The following ZNF236 variants were observed in gnomAD, a reference collection of about 807,000 sequenced individuals.
The protein encoded by ZNF236 is regulated by glucose.
Under a neutral mutation model 191.2 loss-of-function variants are expected in ZNF236, and 50 were observed. The ratio of observed to expected loss-of-function variants is 0.26; its 90% CI spans 0.21 to 0.33. ZNF236 has a LOEUF of 0.33. ZNF236 is among the 10% of genes least tolerant of loss of function. The probability of loss-of-function intolerance (pLI) is 1.00; values close to 1 mark genes in which losing one functional copy is unlikely to be tolerated. For synonymous variants in ZNF236, 907 were observed against 928.8 expected, an observed-to-expected ratio of 0.98 and a Z score of 0.43; for missense variants, 1,754 against 2,374.5, an observed-to-expected ratio of 0.74 and a Z score of 5.43.
At chr18:76,895,839 CAG>C (rs1977389247) in intron 10 of ZNF236, among the ~76,000 whole-genome samples, 1 of 151,670 alleles carries the variant, frequency 6.6e-6, no homozygotes, top group African/African-American at 2.4e-5. Context: ...ATACTGCCCT[CAG>C]GGACTGCACA....
At chr18:76,874,230 G>A in intron 5 of ZNF236, among the ~76,000 whole-genome samples, 1 of 152,282 alleles carries the variant, frequency 6.6e-6, no homozygotes, top group East Asian at 1.9e-4. Flanking sequence ...TACCATTTGT[G>A]TACTGTCCCC....
intron 1 of ZNF236, among the ~76,000 whole-genome samples, chr18:76,827,814 A>G (rs1349495989): frequency 6.6e-6 from 1 of 152,150 alleles, no homozygotes; most frequent in Non-Finnish European, 1.5e-5. Context: ...AGGATGAGTG[A>G]GATATGCTTT....
At position 76,908,551 on chromosome 18, in the gene ZNF236, T is replaced by G; in HGVS notation, c.2529T>G (p.Asp843Glu). ...EEAGLGQQLADQPLEADEDGF... is the reference protein window; with the variant it reads ...EEAGLGQQLAEQPLEADEDGF... ...CAGGGCTGGGCCAGCAGTTGGCAGATCAGCCCCTGGAAGCAGATGAAGGTA... is the reference window on the plus strand; with the variant it reads ...CAGGGCTGGGCCAGCAGTTGGCAGAGCAGCCCCTGGAAGCAGATGAAGGTA... The change falls in exon 14 of 31, where the codon GAT (aspartate) becomes GAG (glutamate). Residue 843 changes from aspartate to glutamate, a missense_variant. By Grantham distance (45) the Asp-to-Glu change is conservative (BLOSUM62 2). This residue lies in a region of ZNF236 where 641 missense variants were observed against 869.6 expected (regional missense o/e 0.74). Coordinates refer to ENST00000320610, the MANE Select transcript of ZNF236 (RefSeq NM_001306089.2). The G allele has an allele frequency of 6.2e-7, 1 of 1,610,376 alleles. No homozygotes were observed.
intron 17 of ZNF236, among the ~76,000 whole-genome samples, chr18:76,912,939 C>T (rs995743193): frequency 2.6e-5 from 4 of 152,248 alleles, no homozygotes; most frequent in Admixed American, 2.6e-4. Context: ...AGGCGTGAGC[C>T]ACCGCCAAAC....
chr18:76,929,803 A>T (rs1825071479), intron 25 of ZNF236, among the ~76,000 whole-genome samples: 1 of 152,232 alleles, frequency 6.6e-6, no homozygotes, highest in Non-Finnish European at 1.5e-5. Context: ...ATTTATGGTA[A>T]CCTGTTAAAA....
chr18:76,912,840 A>G (rs768206335), intron 17 of ZNF236, among the ~76,000 whole-genome samples: 2 of 152,190 alleles, frequency 1.3e-5, no homozygotes, highest in African/African-American at 2.4e-5. Flanking sequence ...TTTAGTAGAG[A>G]TGGGGTTTCA....
chr18:76,894,967 A>G (rs1977357203), intron 9 of ZNF236, 46 bp from the exon 10 acceptor site: 5 of 1,594,078 alleles, frequency 3.1e-6, no homozygotes, highest in Non-Finnish European at 4.3e-6. Context: ...ACCTGACCCT[A>G]GGCGGGGTGT....
At chr18:76,946,686 T>C (rs762465312) in intron 26 of ZNF236, among the ~76,000 whole-genome samples, 45 of 152,248 alleles carry the variant, frequency 3.0e-4, no homozygotes, top group Non-Finnish European at 6.0e-4. Context: ...CAGCTTCCTC[T>C]CTGCTCTTGT....
chr18:76,923,973 A>G (rs1281430939), intron 21 of ZNF236, among the ~76,000 whole-genome samples: 1 of 152,178 alleles, frequency 6.6e-6, no homozygotes, highest in Non-Finnish European at 1.5e-5. Flanking sequence ...TGATTATGAG[A>G]CTAATTTACA....
At chr18:76,840,787 G>C (rs1975465560) in intron 1 of ZNF236, 1 of 145,706 alleles carries the variant, frequency 6.9e-6, no homozygotes, top group Non-Finnish European at 1.5e-5. Flanking sequence ...GTGTGTGTGT[G>C]TGTGTGTGTG....
At chr18:76,954,006 G>A (rs1968468738) in intron 27 of ZNF236, among the ~76,000 whole-genome samples, 10 of 152,172 alleles carry the variant, frequency 6.6e-5, no homozygotes, top group Admixed American at 6.5e-4. Flanking sequence ...CTGTGGCCAA[G>A]TTTATGCCTC....
chr18:76,824,477 T>C, intron 1 of ZNF236: 4 of 780,496 alleles, frequency 5.1e-6, no homozygotes, highest in Non-Finnish European at 9.6e-6. Flanking sequence ...GTCTGGCCTT[T>C]AAGGAAGTCT....
chr18:76,933,644 T>C lies in ZNF236; in HGVS notation c.4595-3512T>C, dbSNP rs375090621. Among the ~76,000 whole-genome samples, 54 of 152,328 alleles carry C rather than the reference T, an allele frequency of 3.5e-4. No individual in the cohort carries two copies. In the South Asian group the frequency reaches 6.6e-3, roughly 19 times the overall value. ...CGCATAATTAAAGAATATTTGTGTA[T>C]TAATGTGATATCGGCTATTCTTAAA... On this transcript the variant is annotated intron_variant, in intron 25 of 30. Transcript: ENST00000320610.
At chr18:76,937,388 GA>G (rs1450719126) in intron 26 of ZNF236, 45 bp downstream of exon 26, 2 of 1,470,894 alleles carry the variant, frequency 1.4e-6, no homozygotes, top group South Asian at 2.7e-5. Context: ...TTCAAAAAGT[GA>G]TCTTTGAAAA....
chr18:76,948,678 T>C (rs1322894542), intron 27 of ZNF236, among the ~76,000 whole-genome samples: 1 of 152,156 alleles, frequency 6.6e-6, no homozygotes, highest in Non-Finnish European at 1.5e-5. Flanking sequence ...CCAGGAAAGT[T>C]GTGTGACACC....
In ZNF236 at chr18:76,894,971, G is replaced by A. The variant is rs753978047; in HGVS notation, c.1418-42G>A. 3.8e-6 allele frequency: 6 copies of A among 1,596,056 alleles called. No individual in the cohort carries two copies. In the Admixed American group the frequency reaches 6.7e-5, roughly 18 times the overall value. On this transcript the variant is annotated intron_variant, in intron 9 of 30. Coordinates refer to ENST00000320610, the MANE Select transcript of ZNF236 (RefSeq NM_001306089.2). The stretch of plus-strand genomic sequence containing the variant: ...GGGGGTCCTGGACCTGACCCTAGGC[G>A]GGGTGTCCAGGCCAAGCGGGACGTG...
intron 1 of ZNF236, among the ~76,000 whole-genome samples, chr18:76,826,580 C>G (rs1446900630): frequency 1.3e-5 from 2 of 150,148 alleles, no homozygotes; most frequent in African/African-American, 4.9e-5. Flanking sequence ...CACTTGAGGC[C>G]AGGAGTTTGA....
rs1469769877 is a variant in ZNF236 at position 76,920,183 on chromosome 18, G to A, written c.3557+125G>A. Reference sequence around the variant, plus strand: ...TGAACCTGGTGTCACCTGAGTGATGGCAGCTTACTTACTTGAATGTATGGT... The same window carrying A: ...TGAACCTGGTGTCACCTGAGTGATGACAGCTTACTTACTTGAATGTATGGT... On this transcript the variant is annotated intron_variant, in intron 20 of 30. Transcript: ENST00000320610. 2.7e-5 allele frequency: 30 copies of A among 1,102,340 alleles called. No homozygotes were observed. The East Asian group carries it at 6.5e-4, about 24-fold the overall frequency. 68.3% of individuals were successfully genotyped at this position (1,102,340 alleles called of 1,614,324 possible).
chr18:76,947,775 A>C, intron 27 of ZNF236, 123 bp downstream of exon 27: 1 of 1,227,100 alleles, frequency 8.1e-7, no homozygotes, highest in South Asian at 1.5e-5. Context: ...CTGACTTCTG[A>C]GGTGTCCCCG....
Sources: gnomAD v4.1 joint callset for allele counts (sites outside exome capture counted in the v4.1 genomes callset) on GRCh38, gnomAD v4.1.1 for gene constraint, gnomAD v4.1.1 regional missense constraint, MANE v1.5 for transcripts, NCBI Gene and HGNC (gene_info 2026-07-23, HGNC 2026-07-21) for gene names.